The following CLIP2 variants were observed in gnomAD, a reference collection of about 807,000 sequenced individuals.
CLIP2 encodes the protein CAP-Gly domain-containing linker protein 2.
A neutral mutation model predicts 111.7 loss-of-function variants in CLIP2; 41 were observed. The observed-to-expected ratio is 0.37, with a 90% CI of 0.29 to 0.48. The LOEUF (loss-of-function observed/expected upper bound fraction) is 0.48, where lower values mean the gene tolerates loss of function less well. Among genes scored for constraint, CLIP2 ranks in the 20% least tolerant of loss-of-function variants. The pLI, the probability that CLIP2 is intolerant of heterozygous loss-of-function variation, is 0.99. For synonymous variants in CLIP2, 660 were observed against 644.2 expected (o/e 1.02, Z -0.37); for missense variants, 1,160 against 1,422.1 (o/e 0.82, Z 2.96).
rs781813867 is a variant in CLIP2, at chr7:74,400,442, C to T, written c.2953C>T (p.Arg985Trp). The T allele has an allele frequency of 5.0e-6, 8 of 1,613,904 alleles. No homozygotes were observed. The highest frequency in any genetic ancestry group is 4.0e-5 in the African/African-American group (3 of 74,944). The change falls in exon 15 of 17, where the codon CGG (arginine) becomes TGG (tryptophan). Residue 985 changes from arginine to tryptophan, a missense_variant. Coordinates refer to ENST00000223398, the MANE Select transcript of CLIP2 (RefSeq NM_003388.5). Reference sequence around the variant, plus strand: ...CCGGTCCTCGGCGCCCGAGCTTCTGCGGCTGCAGCACCAGCTGATGAGCAC... The same window carrying T: ...CCGGTCCTCGGCGCCCGAGCTTCTGTGGCTGCAGCACCAGCTGATGAGCAC... ...IDRSSAPELL[R>W]LQHQLMSTED...
chr7:74,399,372 T>TACA (rs1287141014), intron 14 of CLIP2, among the ~76,000 whole-genome samples: 6 of 152,120 alleles, frequency 3.9e-5, no homozygotes, highest in Non-Finnish European at 4.4e-5. Context: ...ACCGCATCTC[T>TACA]ACAAAAAAAG....
At chr7:74,362,528 C>CTTTTTTTTT (rs3044338) in intron 7 of CLIP2, among the ~76,000 whole-genome samples, 50 of 121,966 alleles carry the variant, frequency 4.1e-4, no homozygotes, top group East Asian at 7.1e-4. Flanking sequence ...TTTTTCTTTT[C>CTTTTTTTTT]TTTTTTTTTT....
At chr7:74,316,070 C>G (rs943535316) in intron 1 of CLIP2, among the ~76,000 whole-genome samples, 5 of 128,228 alleles carry the variant, frequency 3.9e-5, no homozygotes, top group Non-Finnish European at 7.9e-5. Context: ...TTGTGTTGTT[C>G]CCCTCCCTGT....
chr7:74,375,153 G>A (rs1258644951), intron 9 of CLIP2, among the ~76,000 whole-genome samples: 1 of 152,024 alleles, frequency 6.6e-6, no homozygotes, highest in Non-Finnish European at 1.5e-5. Flanking sequence ...TTGAGGCTGA[G>A]GCAGGAAGAT....
chr7:74,393,605 G>T (rs1791357315), intron 13 of CLIP2, among the ~76,000 whole-genome samples: 1 of 152,048 alleles, frequency 6.6e-6, no homozygotes, highest in Admixed American at 6.6e-5. Flanking sequence ...CAAAGTGCTG[G>T]GAATACAGGT....
At chr7:74,302,201 AT>A (rs1208148949) in intron 1 of CLIP2, among the ~76,000 whole-genome samples, 1 of 151,232 alleles carries the variant, frequency 6.6e-6, no homozygotes, top group African/African-American at 2.4e-5. Context: ...TGCCTCCTTT[AT>A]TTTTTATTTT....
chr7:74,397,657 G>GTTGTTT (rs1791493506), intron 14 of CLIP2, among the ~76,000 whole-genome samples: 1 of 113,418 alleles, frequency 8.8e-6, no homozygotes, highest in African/African-American at 3.7e-5. Context: ...GGGTGGCTGA[G>GTTGTTT]TTTTTTTTGT....
chr7:74,379,772 T>A (rs570270896), intron 10 of CLIP2, among the ~76,000 whole-genome samples: 11 of 149,144 alleles, frequency 7.4e-5, no homozygotes, highest in African/African-American at 2.0e-4. Flanking sequence ...TCTCAAAAAA[T>A]AATAATAAAA....
At chr7:74,326,436 T>C (rs1180541199) in intron 2 of CLIP2, among the ~76,000 whole-genome samples, 4 of 152,174 alleles carry the variant, frequency 2.6e-5, no homozygotes, top group African/African-American at 9.7e-5. Context: ...AGGACATACC[T>C]GTTCCCATTA....
At chr7:74,383,205 A>T (rs1790995301) in intron 11 of CLIP2, among the ~76,000 whole-genome samples, 1 of 151,660 alleles carries the variant, frequency 6.6e-6, no homozygotes, top group East Asian at 1.9e-4. Context: ...ATTCATCCTT[A>T]TATAAGTGTG....
chr7:74,395,924 G>A (rs1791434521), intron 13 of CLIP2, among the ~76,000 whole-genome samples: 1 of 152,196 alleles, frequency 6.6e-6, no homozygotes, highest in South Asian at 2.1e-4. Context: ...TGATTGCAAG[G>A]TGGCTGCTGA....
chr7:74,330,824 G>A (rs1301862011), intron 2 of CLIP2, among the ~76,000 whole-genome samples: 2 of 150,178 alleles, frequency 1.3e-5, no homozygotes, highest in Admixed American at 6.6e-5. Flanking sequence ...GGTCAAAATA[G>A]TGAGTCAGTT....
intron 5 of CLIP2, among the ~76,000 whole-genome samples, 184 bp from the exon 6 acceptor site, chr7:74,357,095 TC>T (rs1790168662): frequency 6.6e-6 from 1 of 151,976 alleles, no homozygotes; most frequent in Non-Finnish European, 1.5e-5. Flanking sequence ...ACATCAAGAT[TC>T]CCCGCTGGGT....
intron 1 of CLIP2, among the ~76,000 whole-genome samples, chr7:74,307,600 C>T (rs1382527979): frequency 1.3e-5 from 2 of 152,286 alleles, no homozygotes; most frequent in East Asian, 3.9e-4. Context: ...AAGTGATTCT[C>T]CTGCCTCAGC....
intron 3 of CLIP2, 38 bp from the exon 4 acceptor site, chr7:74,353,842 T>C: frequency 6.2e-7 from 1 of 1,613,904 alleles, no homozygotes; most frequent in East Asian, 2.2e-5. Context: ...CCTGTGCCAC[T>C]GCATCCTCTA....
At chr7:74,364,101 T>A (rs1365755339) in intron 7 of CLIP2, among the ~76,000 whole-genome samples, 154 bp from the exon 8 acceptor site, 7 of 152,008 alleles carry the variant, frequency 4.6e-5, no homozygotes, top group African/African-American at 7.3e-5. Flanking sequence ...GGTTGGGAGG[T>A]CTAGAGCTTT....
In CLIP2 at chr7:74,403,957, A is replaced by C; in HGVS notation, c.*109A>C. ...GGGACTGTCACTTTGGAGACAAAAC[A>C]GTGTTTGTAACAATAACGTACTCAC... On this transcript the variant is annotated 3_prime_UTR_variant, in exon 17 of 17. Transcript: ENST00000223398. The C allele has an allele frequency of 8.1e-7, 1 of 1,234,726 alleles. No individual in the cohort carries two copies. Among genetic ancestry groups the C allele is most frequent in the East Asian group, 2.3e-5 (1 of 43,102 alleles). 76.5% of individuals were successfully genotyped at this position (1,234,726 alleles called of 1,614,324 possible).
At chr7:74,348,411 G>T (rs373930536) in intron 3 of CLIP2, among the ~76,000 whole-genome samples, 1 of 152,008 alleles carries the variant, frequency 6.6e-6, no homozygotes, top group East Asian at 1.9e-4. Flanking sequence ...ACCCCAGTGC[G>T]TTGGGAGGCT....
chr7:74,290,717 G>A (rs1787991603), intron 1 of CLIP2, among the ~76,000 whole-genome samples: 1 of 152,212 alleles, frequency 6.6e-6, no homozygotes, highest in Non-Finnish European at 1.5e-5. Context: ...GTGGGCAGAG[G>A]AGGAGGAGGG....
Sources: gnomAD v4.1 joint callset for allele counts (sites outside exome capture counted in the v4.1 genomes callset) on GRCh38, gnomAD v4.1.1 for gene constraint, MANE v1.5 for transcripts, NCBI Gene and HGNC (gene_info 2026-07-23, HGNC 2026-07-21) for gene names.